Variants in MYRIP observed in about 807,000 individuals in gnomAD.
MYRIP encodes rab effector MyRIP.
MYRIP carries 49 observed loss-of-function variants against 98.0 expected under a neutral mutation model. The observed-to-expected ratio is 0.50, with a 90% confidence interval of 0.40 to 0.63. The LOEUF is 0.63. Ranked by LOEUF, MYRIP falls within the 30% of genes least tolerant of loss-of-function variation. The pLI is 0.00. For synonymous variants in MYRIP, 404 were observed against 409.5 expected, an observed-to-expected ratio of 0.99 and a Z score of 0.16; for missense variants, 1,004 against 1,058.2, an observed-to-expected ratio of 0.95 and a Z score of 0.71.
chr3:40,209,060 G>C (rs892430330), intron 10 of MYRIP: 1 of 152,230 alleles, frequency 6.6e-6, no homozygotes, highest in Non-Finnish European at 1.5e-5. Context: ...CTAAGGCAAA[G>C]AGAATCGCTT....
chr3:40,031,008 G>A (rs541524598), intron 2 of MYRIP, among the ~76,000 whole-genome samples: 2 of 152,210 alleles, frequency 1.3e-5, no homozygotes, highest in East Asian at 1.9e-4. Flanking sequence ...GGGGAGGGGA[G>A]TAAGAAAGGA....
intron 11 of MYRIP, among the ~76,000 whole-genome samples, chr3:40,229,466 C>T (rs907742466): frequency 4.6e-5 from 7 of 152,146 alleles, no homozygotes; most frequent in Admixed American, 6.5e-5. Context: ...AACCTTGGCA[C>T]GGTAAATGAC....
intron 2 of MYRIP, among the ~76,000 whole-genome samples, chr3:39,999,174 A>G (rs1488108073): frequency 6.6e-6 from 1 of 152,252 alleles, no homozygotes; most frequent in African/African-American, 2.4e-5. Flanking sequence ...CAAAATTGAC[A>G]AATGGGTTCT....
rs529744632 is a variant in MYRIP, at chr3:39,882,203, A to G, written c.-30-18584A>G. ...TTGCAATTTGAAGACCCATGGGTTTATGATCATGAAAGGTGGAAGTGGTTG... is the reference window on the plus strand; with the variant it reads ...TTGCAATTTGAAGACCCATGGGTTTGTGATCATGAAAGGTGGAAGTGGTTG... On this transcript the variant is annotated intron_variant, in intron 1 of 16. Coordinates refer to ENST00000302541, the MANE Select transcript of MYRIP (RefSeq NM_015460.4). Among the ~76,000 whole-genome samples the G allele has an allele frequency of 2.0e-5, 3 of 152,172 alleles. No individual in the cohort carries two copies. The South Asian group carries it at 6.2e-4, about 32-fold the overall frequency.
At chr3:40,000,762 C>A (rs898151405) in intron 2 of MYRIP, among the ~76,000 whole-genome samples, 1 of 152,164 alleles carries the variant, frequency 6.6e-6, no homozygotes, top group African/African-American at 2.4e-5. Flanking sequence ...ATTCGCTGGT[C>A]ATTCTGACAG....
At chr3:39,867,175 A>ACTCAAGGTGGATTAAAGG (rs1942651536) in intron 1 of MYRIP, among the ~76,000 whole-genome samples, 2 of 152,216 alleles carry the variant, frequency 1.3e-5, no homozygotes, top group South Asian at 4.1e-4. Context: ...GGAAAAATTA[A>ACTCAAGGTGGATTAAAGG]CTCAAGGTGG....
At chr3:40,016,343 T>C (rs1321561246) in intron 2 of MYRIP, among the ~76,000 whole-genome samples, 1 of 152,128 alleles carries the variant, frequency 6.6e-6, no homozygotes, top group Non-Finnish European at 1.5e-5. Context: ...GTTCTGTGAG[T>C]GTGGGGCAGC....
chr3:40,085,950 G>A (rs778223107), intron 3 of MYRIP, among the ~76,000 whole-genome samples: 3 of 152,038 alleles, frequency 2.0e-5, no homozygotes, highest in Admixed American at 6.6e-5. Context: ...CACTCAAAGT[G>A]GAAAAATGTA....
intron 1 of MYRIP, among the ~76,000 whole-genome samples, chr3:39,888,876 A>G (rs1236468846): frequency 1.3e-5 from 2 of 152,232 alleles, no homozygotes; most frequent in Non-Finnish European, 2.9e-5. Flanking sequence ...AAGGATATGA[A>G]CAGACACTTC....
At chr3:40,073,563 G>A (rs1052682103) in intron 3 of MYRIP, among the ~76,000 whole-genome samples, 2 of 152,178 alleles carry the variant, frequency 1.3e-5, no homozygotes, top group Non-Finnish European at 2.9e-5. Context: ...TAATGACGGT[G>A]TTGCTCATTA....
chr3:39,856,363 G>A (rs967310786), intron 1 of MYRIP, among the ~76,000 whole-genome samples: 5 of 152,050 alleles, frequency 3.3e-5, no homozygotes, highest in African/African-American at 4.8e-5. Flanking sequence ...CTTCTTCCCC[G>A]CTCCCTGCCT....
chr3:39,919,649 G>A (rs116639224), intron 2 of MYRIP, among the ~76,000 whole-genome samples: 1 of 151,756 alleles, frequency 6.6e-6, no homozygotes, highest in South Asian at 2.1e-4. Context: ...CCTGAAGTAG[G>A]CCTGTAATGG....
intron 3 of MYRIP, among the ~76,000 whole-genome samples, 186 bp downstream of exon 3, chr3:40,044,457 A>G (rs1179880723): frequency 1.3e-5 from 2 of 152,188 alleles, no homozygotes; most frequent in Non-Finnish European, 2.9e-5. Flanking sequence ...GGAGGATGAG[A>G]GAGGGCCCCC....
intron 1 of MYRIP, among the ~76,000 whole-genome samples, chr3:39,853,572 T>G (rs1191029620): frequency 6.6e-6 from 1 of 152,220 alleles, no homozygotes; most frequent in East Asian, 1.9e-4. Flanking sequence ...AAATGGCTAT[T>G]CATGTCCTTA....
intron 3 of MYRIP, among the ~76,000 whole-genome samples, chr3:40,044,545 T>C (rs1198946579): frequency 2.0e-5 from 3 of 152,224 alleles, no homozygotes; most frequent in African/African-American, 7.2e-5. Flanking sequence ...TTCATCTTTT[T>C]GGAATTTCTC....
chr3:40,071,163 T>C, intron 3 of MYRIP: 1 of 985,512 alleles, frequency 1.0e-6, no homozygotes, highest in Non-Finnish European at 1.2e-6. Flanking sequence ...TGACTTGTTC[T>C]GACCTGACTT....
chr3:39,844,534 C>A (rs1941903344), intron 1 of MYRIP, among the ~76,000 whole-genome samples: 1 of 152,194 alleles, frequency 6.6e-6, no homozygotes, highest in South Asian at 2.1e-4. Flanking sequence ...GAATGCCTGG[C>A]CATGCAACTG....
At chr3:40,015,785 T>A (rs77910203) in intron 2 of MYRIP, among the ~76,000 whole-genome samples, 2,400 of 152,336 alleles carry the variant, frequency 0.016, 56 homozygotes, top group African/African-American at 0.053. Flanking sequence ...GACATTATTA[T>A]GATAATACTG....
chr3:39,921,992 TG>T (rs1440943283), intron 2 of MYRIP, among the ~76,000 whole-genome samples: 1 of 151,502 alleles, frequency 6.6e-6, no homozygotes, highest in Non-Finnish European at 1.5e-5. Context: ...CTAAAAACCC[TG>T]GGGGCTCACC....
Sources: gnomAD v4.1 joint callset for allele counts (sites outside exome capture counted in the v4.1 genomes callset) on GRCh38, gnomAD v4.1.1 for gene constraint, MANE v1.5 for transcripts, NCBI Gene and HGNC (gene_info 2026-07-23, HGNC 2026-07-21) for gene names.